The following PRRC2C variants were observed in gnomAD, a reference collection of about 807,000 sequenced individuals.
PRRC2C encodes the protein protein PRRC2C.
Under a neutral mutation model 317.2 loss-of-function variants are expected in PRRC2C, and 72 were observed. The ratio of observed to expected loss-of-function variants is 0.23; its 90% CI spans 0.19 to 0.28. The LOEUF is 0.28. PRRC2C is among the 10% of genes least tolerant of loss of function. The pLI, the probability that PRRC2C is intolerant of heterozygous loss-of-function variation, is 1.00. For synonymous variants in PRRC2C, 1,296 were observed against 1,205.9 expected (o/e 1.07, Z -1.55); for missense variants, 3,074 against 3,459.7 (o/e 0.89, Z 2.80).
chr1:171,554,160 G>C (rs1167942822), intron 18 of PRRC2C, among the ~76,000 whole-genome samples: 1 of 152,072 alleles, frequency 6.6e-6, no homozygotes, highest in Non-Finnish European at 1.5e-5. Context: ...TCCTGTATTG[G>C]GTGCATATAT....
chr1:171,577,574 A>G lies in PRRC2C; in HGVS notation c.7096A>G (p.Met2366Val), dbSNP rs1647300681. 1.2e-6 allele frequency: 2 copies of G among 1,613,860 alleles called. No homozygotes were observed. The highest frequency in any genetic ancestry group is 1.7e-6 in the Non-Finnish European group (2 of 1,179,814). ...AAGTCATTTTTCACAGTTAAGCTGT[A>G]TGCCTTCCCTTATTGCCCAGCAGCA... is the stretch of plus-strand genomic sequence containing the variant. The part of the protein sequence containing the change: ...SASHFSQLSC[M>V]PSLIAQQQQN... Residue 2366 changes from methionine to valine, a missense_variant, in exon 26 of 35, where the codon ATG (methionine) becomes GTG (valine). Coordinates refer to ENST00000647382, the MANE Select transcript of PRRC2C (RefSeq NM_001387844.1).
intron 14 of PRRC2C, 143 bp downstream of exon 14, chr1:171,536,421 G>T (rs528383944): frequency 3.2e-6 from 3 of 947,136 alleles, no homozygotes; most frequent in Admixed American, 2.7e-5. Flanking sequence ...TCAGCATCGA[G>T]TAATTAAATA....
At chr1:171,580,973 T>G (rs1417783911) in intron 28 of PRRC2C, among the ~76,000 whole-genome samples, 1 of 152,228 alleles carries the variant, frequency 6.6e-6, no homozygotes, top group East Asian at 1.9e-4. Context: ...ACCATAATGA[T>G]ACTCCTAGAG....
chr1:171,496,387 G>C (rs71637413), intron 1 of PRRC2C, among the ~76,000 whole-genome samples: 1 of 151,760 alleles, frequency 6.6e-6, no homozygotes, highest in African/African-American at 2.4e-5. Flanking sequence ...ATTTTTAGTA[G>C]AGATGGTATT....
intron 1 of PRRC2C, among the ~76,000 whole-genome samples, chr1:171,496,780 T>C (rs1668185398): frequency 9.8e-6 from 1 of 101,986 alleles, no homozygotes. Context: ...GGGGCGTGTG[T>C]GTGTGTGTGT....
chr1:171,492,906 C>T (rs1044719908), intron 1 of PRRC2C, among the ~76,000 whole-genome samples: 1 of 151,862 alleles, frequency 6.6e-6, no homozygotes, highest in Non-Finnish European at 1.5e-5. Flanking sequence ...TGTGTACCAG[C>T]ACACCTGGCT....
chr1:171,549,853 C>T (rs1277316919), intron 17 of PRRC2C, among the ~76,000 whole-genome samples: 2 of 152,172 alleles, frequency 1.3e-5, no homozygotes, highest in African/African-American at 4.8e-5. Flanking sequence ...TGAGCCACTG[C>T]ACCTGGCCAG....
rs1311227154 is a variant in PRRC2C at position 171,577,707 on chromosome 1, CTT to C, written c.7159+71_7159+72del. ...CTTACTAAAATGCTTATTTTTGTCT[CTT>C]CTTACCCTTTCAGCTAAGCATAAGG... On this transcript the variant is annotated intron_variant, in intron 26 of 34. Transcript: ENST00000647382. 27 of 1,369,066 alleles carry C rather than the reference CTT, an allele frequency of 2.0e-5. No homozygotes were observed. The Admixed American group carries it at 4.9e-4, about 25-fold the overall frequency. 84.8% of individuals were successfully genotyped at this position (1,369,066 alleles called of 1,614,324 possible). A position where few individuals can be genotyped will look rare whatever the true frequency, so the allele number is the denominator to read the frequency against.
chr1:171,514,998 TCTC>T (rs1249018752), intron 4 of PRRC2C, among the ~76,000 whole-genome samples: 1 of 152,160 alleles, frequency 6.6e-6, no homozygotes, highest in African/African-American at 2.4e-5. Flanking sequence ...GTCCCCAACA[TCTC>T]CTGTTTCAGA....
At chr1:171,536,680 GA>G (rs992463895) in intron 14 of PRRC2C, among the ~76,000 whole-genome samples, 11 of 152,084 alleles carry the variant, frequency 7.2e-5, no homozygotes, top group South Asian at 6.2e-4. Flanking sequence ...AGGTTAGGGG[GA>G]AAAAAAGTGA....
At chr1:171,574,056 A>G (rs1206783871) in intron 24 of PRRC2C, among the ~76,000 whole-genome samples, 3 of 152,108 alleles carry the variant, frequency 2.0e-5, no homozygotes, top group South Asian at 2.1e-4. Context: ...CCTAACAGTG[A>G]TATTAAATAT....
chr1:171,587,912 T>C (rs1650422169), intron 32 of PRRC2C, among the ~76,000 whole-genome samples, 161 bp downstream of exon 32: 1 of 152,240 alleles, frequency 6.6e-6, no homozygotes, highest in African/African-American at 2.4e-5. Flanking sequence ...TTTTAAATTA[T>C]TTAAAATGTG....
intron 20 of PRRC2C, among the ~76,000 whole-genome samples, chr1:171,564,262 TTATAA>T (rs1208436157): frequency 6.6e-6 from 1 of 152,164 alleles, no homozygotes; most frequent in Non-Finnish European, 1.5e-5. Flanking sequence ...AGACTTGATA[TTATAA>T]TATTGTCTAA....
chr1:171,516,701 A>C (rs1026469526), intron 5 of PRRC2C, among the ~76,000 whole-genome samples: 3 of 152,224 alleles, frequency 2.0e-5, no homozygotes, highest in Admixed American at 6.5e-5. Context: ...GGGTCAGCTT[A>C]GTTTGAGGTT....
intron 23 of PRRC2C, among the ~76,000 whole-genome samples, chr1:171,570,768 A>G (rs752606394): frequency 2.6e-5 from 4 of 152,212 alleles, no homozygotes; most frequent in Non-Finnish European, 5.9e-5. Flanking sequence ...GAATCTTGTT[A>G]TAAAAGTTAA....
rs201683273 is a variant in PRRC2C, at chr1:171,537,467, A to G, written c.2498A>G (p.Asp833Gly). The G allele has an allele frequency of 5.1e-6, 8 of 1,560,466 alleles. No homozygotes were observed. Among genetic ancestry groups the G allele is most frequent in the Non-Finnish European group, 7.0e-6 (8 of 1,150,810 alleles). The change falls in exon 15 of 35, where the codon GAT becomes GGT. Residue 833 changes from aspartate (D) to glycine (G), a missense_variant. Around this residue, in one of 11 missense-constraint regions of PRRC2C, gnomAD observed 1,320 missense variants for 1,395.7 expected, o/e 0.95. Transcript: ENST00000647382. ...CCCAAAGCAACAGAAGAGCCTGAGG[A>G]TGTAAGGTAATAAATTATTTCAATT... ...TTPKATEEPE[D>G]VRSEAALDQE...
At chr1:171,511,721 G>T (rs532218849) in intron 1 of PRRC2C, 1 of 156,728 alleles carries the variant, frequency 6.4e-6, no homozygotes, top group African/African-American at 2.4e-5. Flanking sequence ...TATTAAATTG[G>T]ATAATATATC....
chr1:171,572,227 G>A (rs563623805), intron 24 of PRRC2C, among the ~76,000 whole-genome samples: 2 of 152,148 alleles, frequency 1.3e-5, no homozygotes, highest in East Asian at 1.9e-4. Flanking sequence ...GGGCTCCAGC[G>A]ATCCACCTGC....
In PRRC2C at chr1:171,512,220, A is replaced by G. The variant is rs370877189; in HGVS notation, c.112+20A>G. On this transcript the variant is annotated intron_variant, in intron 2 of 34. Coordinates refer to ENST00000647382, the MANE Select transcript of PRRC2C (RefSeq NM_001387844.1). ...CCACAGGTGAGTAAAATCAAGTGAC[A>G]CTTATGTTTTTCATGGTTTGTTTTG... The G allele has an allele frequency of 2.7e-6, 4 of 1,466,864 alleles. No homozygotes were observed. The highest frequency in any genetic ancestry group is 2.4e-5 in the South Asian group (2 of 82,172). The allele number at this position is 1,466,864 out of a possible 1,614,324, so 90.9% of individuals were successfully genotyped here.
Sources: allele counts gnomAD v4.1 joint callset (sites outside exome capture counted in the v4.1 genomes callset), GRCh38; gene constraint gnomAD v4.1.1; regional missense constraint gnomAD v4.1.1; transcripts MANE v1.5; gene names NCBI Gene and HGNC (gene_info 2026-07-23, HGNC 2026-07-21).